Variants in PLEKHM3 observed in about 807,000 individuals in gnomAD.
PLEKHM3 encodes pleckstrin homology domain containing M3.
PLEKHM3 carries 45 observed loss-of-function variants against 81.8 expected under a neutral mutation model. The observed-to-expected ratio is 0.55, with a 90% CI of 0.43 to 0.71. The LOEUF is 0.71. Among genes scored for constraint, PLEKHM3 ranks in the 30% least tolerant of loss-of-function variants. PLEKHM3 has a pLI of 0.00. For synonymous variants in PLEKHM3, 352 were observed against 356.4 expected (o/e 0.99, Z 0.14); for missense variants, 788 against 924.3 (o/e 0.85, Z 1.91).
At position 207,862,093 on chromosome 2, in the gene PLEKHM3, T is replaced by C. The variant is rs962277369; in HGVS notation, c.1951-831A>G. Among the ~76,000 whole-genome samples the C allele has an allele frequency of 2.0e-5, 3 of 152,136 alleles. No individual in the cohort carries two copies. The South Asian group carries it at 6.2e-4, about 32-fold the overall frequency. ...TGTGGGCTTGCATACATCCCTGAGT[T>C]TGGAACTCATGTTCTGTTGATCATT... On this transcript the variant is annotated intron_variant, in intron 6 of 7. Coordinates refer to ENST00000427836, the MANE Select transcript of PLEKHM3 (RefSeq NM_001080475.3).
At chr2:208,013,188 A>G (rs1692758068) in intron 1 of PLEKHM3, among the ~76,000 whole-genome samples, 1 of 152,216 alleles carries the variant, frequency 6.6e-6, no homozygotes, top group Admixed American at 6.5e-5. Context: ...AAAGGAAACA[A>G]AAACATACAA....
chr2:207,926,518 C>T (rs1382443666), intron 5 of PLEKHM3, among the ~76,000 whole-genome samples: 1 of 152,158 alleles, frequency 6.6e-6, no homozygotes, highest in Non-Finnish European at 1.5e-5. Flanking sequence ...CCGGATGTGT[C>T]CTGACATTGC....
chr2:207,828,862 G>C (rs2092268306), intron 7 of PLEKHM3, among the ~76,000 whole-genome samples: 1 of 152,134 alleles, frequency 6.6e-6, no homozygotes, highest in Non-Finnish European at 1.5e-5. Context: ...GGAGTGCCTC[G>C]TGAAAACGCT....
At chr2:207,849,217 C>T (rs2092399530) in intron 7 of PLEKHM3, among the ~76,000 whole-genome samples, 1 of 152,028 alleles carries the variant, frequency 6.6e-6, no homozygotes, top group African/African-American at 2.4e-5. Context: ...ACTTGTAATC[C>T]CAGCTACTCA....
At chr2:207,977,744 T>C (rs558644707) in intron 2 of PLEKHM3, among the ~76,000 whole-genome samples, 158 bp from the exon 3 acceptor site, 20 of 152,280 alleles carry the variant, frequency 1.3e-4, no homozygotes, top group African/African-American at 4.6e-4. Context: ...AATCCCACGA[T>C]GGTACCTAAC....
At chr2:207,963,017 C>A (rs1009828209) in intron 3 of PLEKHM3, among the ~76,000 whole-genome samples, 2 of 151,384 alleles carry the variant, frequency 1.3e-5, no homozygotes, top group Non-Finnish European at 2.9e-5. Context: ...ACAGATGACT[C>A]CAACCTTGGA....
At chr2:207,852,939 G>A (rs1282287403) in intron 7 of PLEKHM3, 1 of 390,828 alleles carries the variant, frequency 2.6e-6, no homozygotes, top group East Asian at 7.1e-5. Flanking sequence ...CACTCAACAT[G>A]CACATCACTT....
chr2:207,856,526 T>C lies in PLEKHM3; in HGVS notation c.2108+4579A>G, dbSNP rs150025070. Among the ~76,000 whole-genome samples, 432 of 152,348 alleles carry C rather than the reference T, an allele frequency of 2.8e-3. 5 individuals are homozygous for C. Among genetic ancestry groups the C allele is most frequent in the African/African-American group, 9.9e-3 (410 of 41,572 alleles). ...CATCTTTTTACTGTCTGTATAGTTT[T>C]GCCTTTTCCGAAATGTCATATAGTT... On this transcript the variant is annotated intron_variant, in intron 7 of 7. Coordinates refer to ENST00000427836, the MANE Select transcript of PLEKHM3 (RefSeq NM_001080475.3).
chr2:207,941,931 G>A (rs781696818), intron 4 of PLEKHM3, among the ~76,000 whole-genome samples: 1 of 152,164 alleles, frequency 6.6e-6, no homozygotes, highest in Non-Finnish European at 1.5e-5. Flanking sequence ...TCTTACTCCA[G>A]TTAAAATGGC....
intron 2 of PLEKHM3, among the ~76,000 whole-genome samples, chr2:207,981,127 CAAA>C (rs553157217): frequency 1.4e-5 from 1 of 73,480 alleles, no homozygotes; most frequent in Non-Finnish European, 2.7e-5. Context: ...GACTCCATCT[CAAA>C]AAAAAAAAAA....
chr2:207,832,852 C>T (rs528691181), intron 7 of PLEKHM3, among the ~76,000 whole-genome samples: 6 of 151,726 alleles, frequency 4.0e-5, no homozygotes, highest in Non-Finnish European at 7.4e-5. Context: ...TGGCTCATGC[C>T]TGTAATCCCA....
At chr2:207,874,642 A>G (rs1287496521) in intron 6 of PLEKHM3, among the ~76,000 whole-genome samples, 2 of 149,662 alleles carry the variant, frequency 1.3e-5, no homozygotes, top group Non-Finnish European at 3.0e-5. Flanking sequence ...CCCAGGCTGG[A>G]GTGCAGTGGC....
chr2:207,912,737 G>T (rs1688848666), intron 5 of PLEKHM3, among the ~76,000 whole-genome samples: 1 of 152,172 alleles, frequency 6.6e-6, no homozygotes, highest in Admixed American at 6.5e-5. Context: ...ATAAGAAAAA[G>T]ATTTTTTTGC....
At position 207,826,506 on chromosome 2, in the gene PLEKHM3, C is replaced by T. The variant is rs2092252211; in HGVS notation, c.*1813G>A. ...ACAAGTTTTCAAGCCTTGGTTGCGG[C>T]TACTGTATAGTCAGAAAATAAATGC... On this transcript the variant is annotated 3_prime_UTR_variant, in exon 8 of 8. Coordinates refer to ENST00000427836, the MANE Select transcript of PLEKHM3 (RefSeq NM_001080475.3). 2 of 152,152 alleles carry T rather than the reference C, an allele frequency of 1.3e-5. No homozygotes were observed. Among genetic ancestry groups the T allele is most frequent in the Admixed American group, 1.3e-4 (2 of 15,278 alleles). The allele number at this position is 152,152 out of a possible 1,614,324, so 9.4% of individuals were successfully genotyped here. A position where few individuals can be genotyped will look rare whatever the true frequency, so the allele number is the denominator to read the frequency against.
chr2:207,933,845 T>A (rs955510148), intron 4 of PLEKHM3, among the ~76,000 whole-genome samples: 2 of 152,232 alleles, frequency 1.3e-5, no homozygotes, highest in African/African-American at 4.8e-5. Flanking sequence ...TCGCTACCGC[T>A]GCTGCCTGAG....
chr2:207,863,961 T>TTA lies in PLEKHM3; in HGVS notation c.1951-2701_1951-2700dup, dbSNP rs767326628. On this transcript the variant is annotated intron_variant, in intron 6 of 7. Coordinates refer to ENST00000427836, the MANE Select transcript of PLEKHM3 (RefSeq NM_001080475.3). Reference sequence around the variant, plus strand: ...GCAAAAACACAACTATATACAAAGTTTATATATATATATATAAGCTCTCCA... The same window carrying TTA: ...GCAAAAACACAACTATATACAAAGTTTATATATATATATATATAAGCTCTCCA... Among the ~76,000 whole-genome samples, 1,205 of 149,284 alleles carry TTA rather than the reference T, an allele frequency of 8.1e-3. 7 individuals carry two copies. Among genetic ancestry groups the TTA allele is most frequent in the Middle Eastern group, 0.021 (6 of 284 alleles).
intron 5 of PLEKHM3, among the ~76,000 whole-genome samples, chr2:207,923,901 A>ATTTTT (rs1422796438): frequency 3.6e-4 from 26 of 72,544 alleles, no homozygotes; most frequent in African/African-American, 9.8e-4. Flanking sequence ...ATATATATAT[A>ATTTTT]TATATTTTTT....
chr2:207,952,181 T>C (rs769331500), intron 3 of PLEKHM3, among the ~76,000 whole-genome samples: 36 of 152,274 alleles, frequency 2.4e-4, no homozygotes, highest in Admixed American at 1.1e-3. Flanking sequence ...AGAAGACACA[T>C]TGTCGTTTTC....
chr2:207,950,964 A>G lies in PLEKHM3; in HGVS notation c.1547-4452T>C, dbSNP rs1213519755. Among the ~76,000 whole-genome samples the G allele has an allele frequency of 3.9e-5, 6 of 152,316 alleles. No homozygotes were observed. In the East Asian group the frequency reaches 9.6e-4, roughly 24 times the overall value. ...TTGAAAGAACACAGAATGGTTGGAA[A>G]AGAAGATTAGAGGCTAGTTAGTGGC... On this transcript the variant is annotated intron_variant, in intron 3 of 7. Transcript: ENST00000427836.
Sources: gnomAD v4.1 joint callset for allele counts (sites outside exome capture counted in the v4.1 genomes callset) on GRCh38, gnomAD v4.1.1 for gene constraint, MANE v1.5 for transcripts, NCBI Gene and HGNC (gene_info 2026-07-23, HGNC 2026-07-21) for gene names.